Variants in LARGE1 observed in about 807,000 individuals in gnomAD.
The protein encoded by LARGE1 is LARGE xylosyl- and glucuronyltransferase 1.
Under a neutral mutation model 87.6 loss-of-function variants are expected in LARGE1, and 43 were observed. The ratio of observed to expected loss-of-function variants is 0.49; its 90% CI spans 0.38 to 0.63. The LOEUF (loss-of-function observed/expected upper bound fraction) is 0.63. Among genes scored for constraint, LARGE1 ranks in the 30% least tolerant of loss-of-function variants. The pLI is 0.00. For missense variants in LARGE1, 802 were observed against 1,000.2 expected, an observed-to-expected ratio of 0.80 and a Z score of 2.67; for synonymous variants, 434 against 394.6, an observed-to-expected ratio of 1.10 and a Z score of -1.18.
intron 2 of LARGE1, among the ~76,000 whole-genome samples, chr22:33,748,586 T>C (rs1395678423): frequency 2.6e-5 from 4 of 152,104 alleles, no homozygotes; most frequent in Non-Finnish European, 4.4e-5. Flanking sequence ...GCAGAGTCAA[T>C]TTGCGGTAAG....
At chr22:33,475,021 T>C (rs369747769) in intron 6 of LARGE1, among the ~76,000 whole-genome samples, 6 of 152,200 alleles carry the variant, frequency 3.9e-5, no homozygotes, top group African/African-American at 1.4e-4. Context: ...CTGCACCTCT[T>C]TTCACTCCAC....
chr22:33,553,069 C>G (rs1035154352), intron 6 of LARGE1, among the ~76,000 whole-genome samples: 1 of 152,194 alleles, frequency 6.6e-6, no homozygotes, highest in Non-Finnish European at 1.5e-5. Flanking sequence ...AACCATTTCT[C>G]AGGCTTCTTT....
intron 7 of LARGE1, among the ~76,000 whole-genome samples, chr22:33,422,302 A>G (rs992147513): frequency 1.4e-4 from 22 of 152,168 alleles, no homozygotes; most frequent in African/African-American, 5.3e-4. Flanking sequence ...ACAGGGAAAT[A>G]CCCAAGACTG....
At chr22:33,283,886 A>C (rs1460878282) in intron 12 of LARGE1, among the ~76,000 whole-genome samples, 1 of 151,954 alleles carries the variant, frequency 6.6e-6, no homozygotes, top group Non-Finnish European at 1.5e-5. Context: ...GAAAAGAAAG[A>C]AAAAGTAAAG....
chr22:33,886,684 A>G (rs1601851992), intron 1 of LARGE1, among the ~76,000 whole-genome samples: 1 of 142,812 alleles, frequency 7.0e-6, no homozygotes, highest in African/African-American at 2.5e-5. Flanking sequence ...AGAAAAAAAA[A>G]GGAAGGGAGG....
chr22:33,276,084 G>T (rs890912920), intron 14 of LARGE1, among the ~76,000 whole-genome samples: 1 of 152,158 alleles, frequency 6.6e-6, no homozygotes, highest in Admixed American at 6.5e-5. Context: ...AAGTTCTCCT[G>T]GTGATTCTCA....
chr22:33,559,482 G>C (rs2077791602), intron 6 of LARGE1, among the ~76,000 whole-genome samples: 1 of 152,182 alleles, frequency 6.6e-6, no homozygotes, highest in South Asian at 2.1e-4. Context: ...ACACCCTGCT[G>C]ATGGTATCCC....
chr22:33,595,764 T>C lies in LARGE1; in HGVS notation c.615+8671A>G, dbSNP rs139313969. 6.9e-4 allele frequency among the ~76,000 whole-genome samples: 105 copies of C among 152,330 alleles called. No homozygotes were observed. The East Asian group carries it at 0.014, about 21-fold the overall frequency. ...GCCAGATTTTGTCCAAATCTGGCCA[T>C]GCCCATGCCAAAGGCTGGGCATGAA... On this transcript the variant is annotated intron_variant, in intron 5 of 14. Coordinates refer to ENST00000397394, the MANE Select transcript of LARGE1 (RefSeq NM_133642.5).
At chr22:33,408,452 CTG>C (rs1431023785) in intron 7 of LARGE1, among the ~76,000 whole-genome samples, 4 of 152,140 alleles carry the variant, frequency 2.6e-5, no homozygotes, top group African/African-American at 7.2e-5. Context: ...TTGTGCAAGG[CTG>C]TGTTTTTTGT....
intron 4 of LARGE1, among the ~76,000 whole-genome samples, chr22:33,615,002 G>C (rs893734298): frequency 2.6e-5 from 4 of 152,184 alleles, no homozygotes; most frequent in African/African-American, 7.2e-5. Flanking sequence ...CTGGCCTTCT[G>C]TTCTCAAGTT....
chr22:33,721,819 C>T (rs2083106085), intron 2 of LARGE1, among the ~76,000 whole-genome samples: 1 of 152,170 alleles, frequency 6.6e-6, no homozygotes, highest in Non-Finnish European at 1.5e-5. Context: ...TTCCTTGGTA[C>T]AAGCAGGAAC....
intron 2 of LARGE1, among the ~76,000 whole-genome samples, chr22:33,677,109 A>C (rs1248309732): frequency 6.6e-6 from 1 of 152,118 alleles, no homozygotes; most frequent in Non-Finnish European, 1.5e-5. Context: ...TGGCAGGGCC[A>C]GCATTAGAAC....
At chr22:33,922,064 G>C (rs541942578), upstream of LARGE1, among the ~76,000 whole-genome samples, 58 of 152,168 alleles carry the variant, frequency 3.8e-4, no homozygotes, top group African/African-American at 1.3e-3. Context: ...CTTCCCCCCG[G>C]GTCTCCACCT....
intron 2 of LARGE1, among the ~76,000 whole-genome samples, chr22:33,705,775 C>T (rs997626700): frequency 6.6e-6 from 1 of 152,180 alleles, no homozygotes; most frequent in African/African-American, 2.4e-5. Flanking sequence ...TTATTATATA[C>T]ACTACCGTGT....
chr22:33,599,952 C>T (rs777348886), intron 5 of LARGE1, among the ~76,000 whole-genome samples: 3 of 152,162 alleles, frequency 2.0e-5, no homozygotes, highest in Non-Finnish European at 4.4e-5. Flanking sequence ...GACACTCACT[C>T]ACCTGTCCCA....
chr22:33,543,141 T>C (rs1002723546), intron 6 of LARGE1, among the ~76,000 whole-genome samples: 4 of 152,096 alleles, frequency 2.6e-5, no homozygotes, highest in East Asian at 1.9e-4. Context: ...TATTTTTTAA[T>C]TGATCTCCCA....
At chr22:33,204,302 A>C (rs5994695) in intron 11 of LARGE1, among the ~76,000 whole-genome samples, 277 of 152,322 alleles carry the variant, frequency 1.8e-3, no homozygotes, top group African/African-American at 6.4e-3. Context: ...ACTAGAATTA[A>C]TATAATAATG....
the LARGE1 span, among the ~76,000 whole-genome samples, chr22:33,154,741 C>T: frequency 6.6e-6 from 1 of 151,596 alleles, no homozygotes; most frequent in Admixed American, 6.6e-5. Flanking sequence ...ATGGATAAGA[C>T]TAGGCCTCAT....
At chr22:33,242,287 CT>C (rs779875184) in intron 11 of LARGE1, among the ~76,000 whole-genome samples, 1 of 152,142 alleles carries the variant, frequency 6.6e-6, no homozygotes, top group Non-Finnish European at 1.5e-5. Context: ...ATTCATTCTG[CT>C]CCCAGAACTT....
Sources: gnomAD v4.1 joint callset for allele counts (sites outside exome capture counted in the v4.1 genomes callset) on GRCh38, gnomAD v4.1.1 for gene constraint, MANE v1.5 for transcripts, NCBI Gene and HGNC (gene_info 2026-07-23, HGNC 2026-07-21) for gene names.